The following MAOB variants were observed in gnomAD, a reference collection of about 807,000 sequenced individuals.
MAOB encodes the protein monoamine oxidase B, also known as amine oxidase [flavin-containing] B.
Under a neutral mutation model 41.9 loss-of-function variants are expected in MAOB, and 15 were observed. The ratio of observed to expected loss-of-function variants is 0.36; its 90% CI spans 0.24 to 0.55. The LOEUF (loss-of-function observed/expected upper bound fraction) is 0.55. Ranked by LOEUF, MAOB falls within the 20% of genes least tolerant of loss-of-function variation. The pLI, the probability that MAOB is intolerant of heterozygous loss-of-function variation, is 0.86. For synonymous variants in MAOB, 167 were observed against 144.2 expected (o/e 1.16, Z -1.13); for missense variants, 345 against 398.7 (o/e 0.87, Z 1.15).
intron 1 of MAOB, among the ~76,000 whole-genome samples, chrX:43,848,997 C>T (rs1165676900): frequency 9.0e-6 from 1 of 111,650 alleles, no homozygotes; most frequent in Non-Finnish European, 1.9e-5. Flanking sequence ...AAACACACAC[C>T]AAAAAGATCT....
intron 1 of MAOB, among the ~76,000 whole-genome samples, chrX:43,862,044 A>G (rs937182862): frequency 9.0e-6 from 1 of 111,493 alleles, no homozygotes; most frequent in Non-Finnish European, 1.9e-5. Flanking sequence ...TCCAGACCTG[A>G]GAAACCCGTG....
chrX:43,814,108 T>A (rs143575574), intron 3 of MAOB, among the ~76,000 whole-genome samples: 1,660 of 110,531 alleles, frequency 0.015, 31 homozygotes, highest in African/African-American at 0.052. Context: ...GGCCCTAGTG[T>A]CTTCAGATGG....
intron 3 of MAOB, among the ~76,000 whole-genome samples, chrX:43,804,467 G>A (rs969025800): frequency 1.8e-5 from 2 of 111,072 alleles, no homozygotes; most frequent in Non-Finnish European, 3.8e-5. Flanking sequence ...GAGAGAGAGA[G>A]AGAGAGAGAG....
chrX:43,841,566 T>C (rs1024454666), intron 2 of MAOB, among the ~76,000 whole-genome samples: 2 of 111,736 alleles, frequency 1.8e-5, no homozygotes, highest in Non-Finnish European at 3.8e-5. Flanking sequence ...AATCCTTAAA[T>C]TCATATGGAA....
Position 43,768,586 on chromosome X carries a change from GT to G in MAOB, c.1410+67del, listed in dbSNP as rs984404080. The G allele has an allele frequency of 3.4e-6, 3 of 876,587 alleles. No individual in the cohort carries two copies. The African/African-American group carries it at 6.0e-5, about 17-fold the overall frequency. 72.2% of individuals were successfully genotyped at this position (876,587 alleles called of 1,213,427 possible). A position where few individuals can be genotyped will look rare whatever the true frequency, so the allele number is the denominator to read the frequency against. ...AAAAGGTATGTGAATATATACAAGT[GT>G]GCTCTTCTTGAAAATAATGGGTTTA... On this transcript the variant is annotated intron_variant, in intron 14 of 14. Coordinates refer to ENST00000378069, the MANE Select transcript of MAOB (RefSeq NM_000898.5).
chrX:43,779,484 C>A (rs1485120633), intron 10 of MAOB, among the ~76,000 whole-genome samples: 3 of 111,238 alleles, frequency 2.7e-5, no homozygotes, highest in African/African-American at 9.8e-5. Flanking sequence ...TACTCAGAAA[C>A]CATGGTTTTA....
intron 3 of MAOB, among the ~76,000 whole-genome samples, chrX:43,809,652 G>C (rs1276057591): frequency 3.6e-5 from 4 of 111,878 alleles, no homozygotes; most frequent in Non-Finnish European, 7.5e-5. Flanking sequence ...TCTGAGGCAA[G>C]AGTTTTGTGC....
At chrX:43,797,887 G>T (rs2034547582) in intron 5 of MAOB, among the ~76,000 whole-genome samples, 1 of 111,704 alleles carries the variant, frequency 9.0e-6, no homozygotes, top group Non-Finnish European at 1.9e-5. Flanking sequence ...TGCTTAAAAA[G>T]TCTCCAGTGG....
intron 3 of MAOB, among the ~76,000 whole-genome samples, chrX:43,805,180 C>T (rs934472227): frequency 9.0e-6 from 1 of 111,393 alleles, no homozygotes; most frequent in Non-Finnish European, 1.9e-5. Flanking sequence ...CACATAAAAT[C>T]TATTCTCTTA....
At chrX:43,877,971 A>G (rs2035450886) in intron 1 of MAOB, among the ~76,000 whole-genome samples, 1 of 112,366 alleles carries the variant, frequency 8.9e-6, no homozygotes, top group South Asian at 3.7e-4. Flanking sequence ...GCTCCCTTAG[A>G]TTGAAAAACT....
Position 43,769,418 on chromosome X carries a change from C to A in MAOB, c.1236G>T (p.Arg412Ser). The change falls in exon 13 of 15, where the codon AGG becomes AGT. Residue 412 changes from arginine (R) to serine (S), a missense_variant and splice_region_variant. Physicochemically the swap from Arg to Ser is moderately radical, Grantham distance 110. Transcript: ENST00000378069. ...TCCTGTCCACTGGCTGGCGTAGAAC[C>A]CTTGGAACAAAACCAAAGAGGCAAA... is the stretch of plus-strand genomic sequence containing the variant. ...FPPGILTQYGRVLRQPVDRIY... is the reference protein window; with the variant it reads ...FPPGILTQYGSVLRQPVDRIY... 8.3e-7 allele frequency: 1 copy of A among 1,205,254 alleles called. No homozygotes were observed. Among genetic ancestry groups the A allele is most frequent in the Non-Finnish European group, 1.1e-6 (1 of 893,414 alleles).
intron 3 of MAOB, among the ~76,000 whole-genome samples, chrX:43,810,839 C>T (rs1363220356): frequency 9.0e-6 from 1 of 111,538 alleles, no homozygotes; most frequent in African/African-American, 3.3e-5. Context: ...ATACAAGGTA[C>T]ACAGGATGCA....
At chrX:43,841,031 C>T (rs1445705237) in intron 2 of MAOB, among the ~76,000 whole-genome samples, 1 of 109,888 alleles carries the variant, frequency 9.1e-6, no homozygotes, top group Admixed American at 9.7e-5. Context: ...CACATGTATC[C>T]CAGAACTTAA....
chrX:43,774,510 C>A (rs2034227697), intron 12 of MAOB, among the ~76,000 whole-genome samples: 1 of 111,681 alleles, frequency 9.0e-6, no homozygotes, highest in African/African-American at 3.3e-5. Context: ...GATTATTGCT[C>A]ACTTTTCATC....
intron 2 of MAOB, among the ~76,000 whole-genome samples, chrX:43,839,707 G>A (rs1010136614): frequency 1.8e-5 from 2 of 111,785 alleles, no homozygotes; most frequent in Non-Finnish European, 3.8e-5. Context: ...TTTTCACAAG[G>A]CATCTTTGTT....
chrX:43,840,913 A>G (rs2035128959), intron 2 of MAOB, among the ~76,000 whole-genome samples: 1 of 93,714 alleles, frequency 1.1e-5, no homozygotes, highest in Admixed American at 1.2e-4. Flanking sequence ...TTTTTTTTTC[A>G]TATCCAAGTG....
intron 3 of MAOB, among the ~76,000 whole-genome samples, chrX:43,827,726 G>A (rs1325412097): frequency 1.8e-5 from 2 of 111,577 alleles, no homozygotes; most frequent in East Asian, 2.8e-4. Flanking sequence ...ATAGCCCAGG[G>A]GCAGGAATAA....
At chrX:43,829,336 A>G (rs768370313) in intron 3 of MAOB, among the ~76,000 whole-genome samples, 1 of 112,263 alleles carries the variant, frequency 8.9e-6, no homozygotes, top group Admixed American at 9.4e-5. Flanking sequence ...GCACTTTGGG[A>G]CAGTTCTATT....
At chrX:43,786,971 GC>G (rs1408441655) in intron 8 of MAOB, among the ~76,000 whole-genome samples, 2 of 111,671 alleles carry the variant, frequency 1.8e-5, no homozygotes, top group Admixed American at 9.6e-5. Context: ...CATCTCATCA[GC>G]TTTGTAGGGC....
Sources: allele counts gnomAD v4.1 joint callset (sites outside exome capture counted in the v4.1 genomes callset), GRCh38; gene constraint gnomAD v4.1.1; transcripts MANE v1.5; gene names NCBI Gene and HGNC (gene_info 2026-07-23, HGNC 2026-07-21).